The following IL1RAP variants were observed in gnomAD, a reference collection of about 807,000 sequenced individuals.
IL1RAP encodes interleukin 1 receptor accessory protein.
Under a neutral mutation model 60.7 loss-of-function variants are expected in IL1RAP, and 35 were observed. The ratio of observed to expected loss-of-function variants is 0.58; its 90% CI spans 0.44 to 0.76. The LOEUF (loss-of-function observed/expected upper bound fraction) is 0.76, where lower values mean the gene tolerates loss of function less well. Among genes scored for constraint, IL1RAP ranks in the 30% least tolerant of loss-of-function variants. IL1RAP has a pLI of 0.00. For missense variants in IL1RAP, 572 were observed against 693.9 expected, an observed-to-expected ratio of 0.82 and a Z score of 1.97; for synonymous variants, 268 against 250.9, an observed-to-expected ratio of 1.07 and a Z score of -0.64.
chr3:190,520,319 C>T (rs1721903777), intron 1 of IL1RAP, among the ~76,000 whole-genome samples: 2 of 152,082 alleles, frequency 1.3e-5, no homozygotes, highest in African/African-American at 4.8e-5. Context: ...CGTGCTTTAT[C>T]AATAGTATTA....
intron 7 of IL1RAP, among the ~76,000 whole-genome samples, chr3:190,626,179 C>T (rs1023471722): frequency 1.3e-5 from 2 of 152,178 alleles, no homozygotes; most frequent in Non-Finnish European, 2.9e-5. Flanking sequence ...CCTGGCCCTT[C>T]ACTTATTACT....
At chr3:190,556,979 C>G (rs2108608251) in intron 2 of IL1RAP, among the ~76,000 whole-genome samples, 1 of 152,310 alleles carries the variant, frequency 6.6e-6, no homozygotes, top group African/African-American at 2.4e-5. Context: ...TCCCCAGCCT[C>G]AGTGTCCCTA....
At chr3:190,557,443 T>C (rs1039672819) in intron 2 of IL1RAP, among the ~76,000 whole-genome samples, 1 of 152,148 alleles carries the variant, frequency 6.6e-6, no homozygotes, top group African/African-American at 2.4e-5. Flanking sequence ...CCTCTCAGAG[T>C]GCTGAGCACT....
chr3:190,648,758 TC>T lies in IL1RAP; in HGVS notation c.*59del, dbSNP rs1180634573. The T allele has an allele frequency of 3.2e-6, 5 of 1,541,284 alleles. No homozygotes were observed. Among genetic ancestry groups the T allele is most frequent in the Non-Finnish European group, 4.4e-6 (5 of 1,148,030 alleles). Reference sequence around the variant, plus strand: ...CAAGGGGTGCTCCAGGAAGAAAGAGTCCCCCCAGTCTTCATTCGCAGTTTAT... The same window carrying T: ...CAAGGGGTGCTCCAGGAAGAAAGAGTCCCCCAGTCTTCATTCGCAGTTTAT... On this transcript the variant is annotated 3_prime_UTR_variant, in exon 12 of 12. Transcript: ENST00000447382.
At chr3:190,580,973 C>T (rs939809459) in intron 3 of IL1RAP, among the ~76,000 whole-genome samples, 1 of 152,098 alleles carries the variant, frequency 6.6e-6, no homozygotes, top group Admixed American at 6.5e-5. Context: ...TTCTGTATGT[C>T]AATCATACCT....
intron 3 of IL1RAP, 106 bp downstream of exon 3, chr3:190,564,459 C>G (rs1261504751): frequency 2.6e-6 from 2 of 771,672 alleles, no homozygotes; most frequent in South Asian, 1.4e-5. Context: ...TTATTCATGT[C>G]CATTGTCTTC....
exon 12 of IL1RAP, chr3:190,656,766 T>G: frequency 1.8e-6 from 1 of 555,620 alleles, no homozygotes. Context: ...ACAAAAGACC[T>G]GAAGGACCTG....
At chr3:190,623,196 G>A (rs1731931934) in intron 6 of IL1RAP, 148 bp from the exon 7 acceptor site, 3 of 624,156 alleles carry the variant, frequency 4.8e-6, no homozygotes, top group East Asian at 2.7e-5. Flanking sequence ...CTGAAGTGCA[G>A]TAATTGAGTA....
At chr3:190,595,095 T>G (rs1729268709) in intron 3 of IL1RAP, among the ~76,000 whole-genome samples, 1 of 150,510 alleles carries the variant, frequency 6.6e-6, no homozygotes, top group Admixed American at 6.6e-5. Flanking sequence ...CCTTTCAACA[T>G]TCTATATATT....
chr3:190,609,013 CA>C lies in IL1RAP; in HGVS notation c.372del (p.Val125LeufsTer18). 6.2e-7 allele frequency: 1 copy of C among 1,612,872 alleles called. No individual in the cohort carries two copies. The highest frequency in any genetic ancestry group is 8.5e-7 in the Non-Finnish European group (1 of 1,179,338). ...TTTTCAGGAACACTACATATTGCAG[CA>C]AAGTTGCATTTCCCTTGGAAGTTGT... is the stretch of plus-strand genomic sequence containing the variant. ...CMLRNTTYCSKVAFPLEVVQK... is the reference protein window; with the variant it reads ...CMLRNTTYCSXVAFPLEVVQK... On this transcript the variant is annotated frameshift_variant, in exon 5 of 12. Transcript: ENST00000447382. LOFTEE classifies it high-confidence loss of function.
At chr3:190,571,377 A>G (rs1398733357) in intron 3 of IL1RAP, among the ~76,000 whole-genome samples, 2 of 152,082 alleles carry the variant, frequency 1.3e-5, no homozygotes, top group African/African-American at 4.8e-5. Flanking sequence ...ATAGCTGAGT[A>G]TGGTGATGCA....
chr3:190,601,263 C>T lies in IL1RAP; in HGVS notation c.65-2865C>T, dbSNP rs369419428. ...CCTCCTAAAGTGTTGGAATTACAGGCGTGAGCCACCATGCCCAGCCAAAAC... is the reference window on the plus strand; with the variant it reads ...CCTCCTAAAGTGTTGGAATTACAGGTGTGAGCCACCATGCCCAGCCAAAAC... On this transcript the variant is annotated intron_variant, in intron 3 of 11. Coordinates refer to ENST00000447382, the MANE Select transcript of IL1RAP (RefSeq NM_002182.4). Among the ~76,000 whole-genome samples the T allele has an allele frequency of 1.0e-3, 154 of 152,294 alleles. No homozygotes were observed. The South Asian group carries it at 0.031, about 30-fold the overall frequency.
chr3:190,618,835 A>G (rs1472162237), intron 5 of IL1RAP, among the ~76,000 whole-genome samples: 1 of 152,202 alleles, frequency 6.6e-6, no homozygotes, highest in African/African-American at 2.4e-5. Flanking sequence ...ACCCAAGCTT[A>G]TAGTAGCTTC....
At chr3:190,519,057 T>C (rs1280897236) in intron 1 of IL1RAP, 1 of 152,190 alleles carries the variant, frequency 6.6e-6, no homozygotes, top group East Asian at 1.9e-4. Context: ...CCAATCATCA[T>C]CCTACATCCT....
chr3:190,649,950 A>G lies in IL1RAP; in HGVS notation c.*1245A>G. 12 of 740,962 alleles carry G rather than the reference A, an allele frequency of 1.6e-5. No individual in the cohort carries two copies. The highest frequency in any genetic ancestry group is 2.0e-5 in the Non-Finnish European group (12 of 607,052). The allele number at this position is 740,962 out of a possible 1,614,324, so 45.9% of individuals were successfully genotyped here. A position where few individuals can be genotyped will look rare whatever the true frequency, so the allele number is the denominator to read the frequency against. ...ATGTAGATTATACATATATATACAC[A>G]CGTGTATATGAGATATATATCTTAT... On this transcript the variant is annotated 3_prime_UTR_variant, in exon 12 of 12. Transcript: ENST00000447382.
At chr3:190,644,886 C>T (rs1021569726) in intron 10 of IL1RAP, among the ~76,000 whole-genome samples, 1 of 152,204 alleles carries the variant, frequency 6.6e-6, no homozygotes, top group African/African-American at 2.4e-5. Flanking sequence ...GAGCAATAGA[C>T]TCGTGACTCG....
At chr3:190,581,982 TA>T (rs1246025544) in intron 3 of IL1RAP, among the ~76,000 whole-genome samples, 2 of 152,124 alleles carry the variant, frequency 1.3e-5, no homozygotes, top group South Asian at 2.1e-4. Context: ...AGTTAGGTTC[TA>T]AAAAAAATAA....
chr3:190,514,304 A>G (rs1156313396), intron 1 of IL1RAP, 85 bp downstream of exon 1: 1 of 152,236 alleles, frequency 6.6e-6, no homozygotes, highest in Admixed American at 6.5e-5. Context: ...TCCTATCGTT[A>G]AACCCTCCTA....
At chr3:190,616,833 A>C (rs1319080737) in intron 5 of IL1RAP, among the ~76,000 whole-genome samples, 1 of 152,196 alleles carries the variant, frequency 6.6e-6, no homozygotes. Context: ...TAACGTGTCG[A>C]GCATTTACCA....
Sources: allele counts gnomAD v4.1 joint callset (sites outside exome capture counted in the v4.1 genomes callset), GRCh38; gene constraint gnomAD v4.1.1; transcripts MANE v1.5; gene names NCBI Gene and HGNC (gene_info 2026-07-23, HGNC 2026-07-21).